Variants in SPEF2 observed in about 807,000 individuals in gnomAD.
SPEF2 encodes sperm flagella and cilia-associated protein 2.
SPEF2 carries 187 observed loss-of-function variants against 224.6 expected under a neutral mutation model. That is an observed-to-expected ratio of 0.83 (90% CI 0.74 to 0.94). The LOEUF (loss-of-function observed/expected upper bound fraction) is 0.94, where lower values mean the gene tolerates loss of function less well. Ranked by LOEUF, SPEF2 falls within the 40% of genes least tolerant of loss-of-function variation. SPEF2 has a pLI of 0.00. For synonymous variants in SPEF2, 715 were observed against 707.3 expected (o/e 1.01, Z -0.17); for missense variants, 2,170 against 2,135.6 (o/e 1.02, Z -0.32).
chr5:35,745,649 C>T (rs1434897321), intron 23 of SPEF2, among the ~76,000 whole-genome samples: 5 of 152,118 alleles, frequency 3.3e-5, no homozygotes, highest in African/African-American at 4.8e-5. Flanking sequence ...CCCCCAACCC[C>T]GACAGCAGCT....
chr5:35,645,927 C>T (rs1317701212), intron 4 of SPEF2, among the ~76,000 whole-genome samples: 2 of 151,914 alleles, frequency 1.3e-5, no homozygotes, highest in Non-Finnish European at 1.5e-5. Context: ...AATTTTTTAT[C>T]TTTGGACATG....
intron 21 of SPEF2, among the ~76,000 whole-genome samples, chr5:35,739,458 G>C (rs1390564562): frequency 6.6e-6 from 1 of 152,160 alleles, no homozygotes; most frequent in African/African-American, 2.4e-5. Flanking sequence ...TCCTGGCTCA[G>C]TGCAAGCTCC....
At chr5:35,631,753 T>C (rs370311205) in intron 2 of SPEF2, among the ~76,000 whole-genome samples, 193 of 152,248 alleles carry the variant, frequency 1.3e-3, no homozygotes, top group African/African-American at 4.4e-3. Flanking sequence ...TTCAAGCAAT[T>C]GCAATTCAAA....
chr5:35,789,696 A>G lies in SPEF2; in HGVS notation c.4448-2644A>G, dbSNP rs1162322348. On this transcript the variant is annotated intron_variant, in intron 30 of 36. Coordinates refer to ENST00000356031, the MANE Select transcript of SPEF2 (RefSeq NM_024867.4). ...AAGTTTTAAATTGTGGCCCACAAAG[A>G]TAAATCAAGGTAATCTATATGTGCT... The G allele has an allele frequency of 6.2e-6, 4 of 643,430 alleles. No homozygotes were observed. The Admixed American group carries it at 7.8e-5, about 13-fold the overall frequency. 39.9% of individuals were successfully genotyped at this position (643,430 alleles called of 1,614,324 possible). A position where few individuals can be genotyped will look rare whatever the true frequency, so the allele number is the denominator to read the frequency against.
At chr5:35,633,293 C>T (rs1389631634) in intron 2 of SPEF2, among the ~76,000 whole-genome samples, 2 of 151,942 alleles carry the variant, frequency 1.3e-5, no homozygotes, top group African/African-American at 2.4e-5. Flanking sequence ...TTCAGTTTTT[C>T]CTCCATGTAT....
chr5:35,740,356 T>C, intron 23 of SPEF2, 89 bp downstream of exon 23: 1 of 1,528,044 alleles, frequency 6.5e-7, no homozygotes, highest in Non-Finnish European at 8.9e-7. Context: ...CTTACTTTTG[T>C]GAAGTATGAG....
chr5:35,678,503 C>A (rs1213658245), intron 10 of SPEF2: 2 of 152,266 alleles, frequency 1.3e-5, no homozygotes, highest in African/African-American at 4.8e-5. Context: ...ACAGACACCC[C>A]TGCCCACTGG....
intron 6 of SPEF2, among the ~76,000 whole-genome samples, chr5:35,649,721 C>A (rs1350134626): frequency 1.3e-5 from 2 of 152,172 alleles, no homozygotes; most frequent in Non-Finnish European, 2.9e-5. Context: ...AAAATTGTTT[C>A]AAGGTACCAC....
intron 32 of SPEF2, among the ~76,000 whole-genome samples, chr5:35,794,195 G>C (rs1245364821): frequency 6.6e-6 from 1 of 152,224 alleles, no homozygotes; most frequent in Non-Finnish European, 1.5e-5. Context: ...TCATAACTGA[G>C]AGGGGCCTGA....
chr5:35,709,649 A>T, intron 19 of SPEF2: 1 of 897,792 alleles, frequency 1.1e-6, no homozygotes. Flanking sequence ...ACATATATTT[A>T]TGGACACAGA....
At chr5:35,783,916 A>C (rs2149810351) in intron 30 of SPEF2, among the ~76,000 whole-genome samples, 1 of 152,286 alleles carries the variant, frequency 6.6e-6, no homozygotes, top group East Asian at 1.9e-4. Context: ...TTTCCTTGTA[A>C]GCCCATCGGT....
At chr5:35,660,067 C>T (rs938155066) in intron 8 of SPEF2, among the ~76,000 whole-genome samples, 34 of 152,058 alleles carry the variant, frequency 2.2e-4, no homozygotes, top group African/African-American at 8.2e-4. Context: ...CATTGTGTCT[C>T]GGCCCTTTTA....
At chr5:35,717,024 C>A (rs984125329) in intron 20 of SPEF2, among the ~76,000 whole-genome samples, 1 of 152,144 alleles carries the variant, frequency 6.6e-6, no homozygotes, top group Non-Finnish European at 1.5e-5. Context: ...CCTCTTGAAC[C>A]CATTTGCCAC....
chr5:35,756,144 T>C (rs1208483622), intron 24 of SPEF2, among the ~76,000 whole-genome samples: 1 of 152,220 alleles, frequency 6.6e-6, no homozygotes, highest in Non-Finnish European at 1.5e-5. Flanking sequence ...AATCTCACAC[T>C]GTTTCATTCT....
intron 26 of SPEF2, among the ~76,000 whole-genome samples, chr5:35,765,680 T>C (rs549083033): frequency 6.5e-4 from 99 of 152,306 alleles, no homozygotes; most frequent in Admixed American, 1.7e-3. Context: ...TCTTCCCATC[T>C]TGTCATCTGC....
intron 30 of SPEF2, chr5:35,788,580 T>C (rs1318175577): frequency 1.1e-5 from 8 of 702,796 alleles, no homozygotes; most frequent in Non-Finnish European, 2.1e-5. Context: ...AATGATCCTC[T>C]GGCAATAAAA....
intron 2 of SPEF2, among the ~76,000 whole-genome samples, chr5:35,637,550 A>G (rs888175322): frequency 2.0e-5 from 3 of 152,224 alleles, no homozygotes; most frequent in African/African-American, 7.2e-5. Context: ...AGATTATCCT[A>G]GTTGTACATA....
chr5:35,670,662 A>G (rs886168062), intron 10 of SPEF2: 2 of 985,668 alleles, frequency 2.0e-6, no homozygotes, highest in East Asian at 1.1e-4. Context: ...TGAATAGCAT[A>G]GATTCAAACA....
chr5:35,639,059 C>G (rs949716814), intron 2 of SPEF2, among the ~76,000 whole-genome samples: 2 of 152,074 alleles, frequency 1.3e-5, no homozygotes, highest in African/African-American at 4.8e-5. Flanking sequence ...ACACAAAGGC[C>G]TTTTTACAAG....
Sources: allele counts gnomAD v4.1 joint callset (sites outside exome capture counted in the v4.1 genomes callset), GRCh38; gene constraint gnomAD v4.1.1; transcripts MANE v1.5; gene names NCBI Gene and HGNC (gene_info 2026-07-23, HGNC 2026-07-21).